Variants in SPNS1 observed in about 807,000 individuals in gnomAD.
SPNS1 encodes the protein SPNS lysolipid transporter 1, lysophospholipid, also known as protein spinster homolog 1.
SPNS1 carries 22 observed loss-of-function variants against 50.3 expected under a neutral mutation model. That is an observed-to-expected ratio of 0.44 (90% CI 0.31 to 0.62). The LOEUF is 0.62. SPNS1 is among the 20% of genes least tolerant of loss of function. The pLI is 0.07. For missense variants in SPNS1, 576 were observed against 728.6 expected, an observed-to-expected ratio of 0.79 and a Z score of 2.41; for synonymous variants, 295 against 317.4, an observed-to-expected ratio of 0.93 and a Z score of 0.75.
At position 28,975,110 on chromosome 16, in the gene SPNS1, T is replaced by G; in HGVS notation, c.-42T>G. 1 of 1,460,674 alleles carries G rather than the reference T, an allele frequency of 6.8e-7. No individual in the cohort carries two copies. Among genetic ancestry groups the G allele is most frequent in the Non-Finnish European group, 9.0e-7 (1 of 1,110,482 alleles). The allele number at this position is 1,460,674 out of a possible 1,614,324, so 90.5% of individuals were successfully genotyped here. On this transcript the variant is annotated 5_prime_UTR_variant, in exon 1 of 12. Transcript: ENST00000311008. ...CCTCCTCCCCTCGCAGGTGGGATCGTCGGTGGGACCGGAGCGCGGGCGGGC... is the reference window on the plus strand; with the variant it reads ...CCTCCTCCCCTCGCAGGTGGGATCGGCGGTGGGACCGGAGCGCGGGCGGGC...
chr16:28,982,427 G>T lies in SPNS1; in HGVS notation c.1037G>T (p.Arg346Leu). 1.2e-6 allele frequency: 2 copies of T among 1,613,342 alleles called. No individual in the cohort carries two copies. The highest frequency in any genetic ancestry group is 1.1e-5 in the South Asian group (1 of 91,032). ...GVGLGVEISR[R>L]LRHSNPRADP... ...GGCCTGGGTGTGGAGATCAGCCGCC[G>T]GCTCCGCCACTCCAACCCCCGGGCT... Residue 346 changes from arginine to leucine, a missense_variant, in exon 8 of 12, where the codon CGG becomes CTG. Physicochemically the swap from Arg to Leu is moderately radical, Grantham distance 102. Transcript: ENST00000311008.
Position 28,983,769 on chromosome 16 carries a change from G to T in SPNS1, c.1321-17G>T. 6.4e-7 allele frequency: 1 copy of T among 1,562,234 alleles called. No homozygotes were observed. Among genetic ancestry groups the T allele is most frequent in the Non-Finnish European group, 8.7e-7 (1 of 1,155,370 alleles). On this transcript the variant is annotated splice_polypyrimidine_tract_variant and intron_variant, in intron 10 of 11. Coordinates refer to ENST00000311008, the MANE Select transcript of SPNS1 (RefSeq NM_032038.3). This position sits in a 1 kb window ranked among gnomAD's most constrained non-coding sequence, Gnocchi z 5.4. Reference sequence around the variant, plus strand: ...TGAGGCTGACTCCCCTGGCTTTCCTGTCTCCTCTCCCTGCAGATCTCTGAC... The same window carrying T: ...TGAGGCTGACTCCCCTGGCTTTCCTTTCTCCTCTCCCTGCAGATCTCTGAC...
rs1485359562 is a variant in SPNS1 at position 28,983,543 on chromosome 16, C to T, written c.1321-243C>T. Among the ~76,000 whole-genome samples, 2 of 152,148 alleles carry T rather than the reference C, an allele frequency of 1.3e-5. No individual in the cohort carries two copies. The highest frequency in any genetic ancestry group is 2.9e-5 in the Non-Finnish European group (2 of 68,034). On this transcript the variant is annotated intron_variant, in intron 10 of 11. Transcript: ENST00000311008. The surrounding 1 kb of genome is among the most constrained non-coding windows in gnomAD (Gnocchi z 5.4). ...CTGAGACAAGACCTCACTCTGTTGC[C>T]CAGGCTGCAGTGTAGTGGCACGATC...
chr16:28,979,726 ACTTTTT>A, intron 5 of SPNS1: 1 of 461,544 alleles, frequency 2.2e-6, no homozygotes, highest in Middle Eastern at 6.3e-4. Flanking sequence ...AATTAAAAAA[ACTTTTT>A]CTTTTTGTAG....
intron 8 of SPNS1, 57 bp downstream of exon 8, chr16:28,982,602 C>T: frequency 1.3e-6 from 2 of 1,529,010 alleles, no homozygotes; most frequent in Non-Finnish European, 1.8e-6. Flanking sequence ...GAGGAGCAGT[C>T]AGCGTAATGG....
intron 8 of SPNS1, 87 bp from the exon 9 acceptor site, chr16:28,982,770 A>G: frequency 2.0e-6 from 3 of 1,475,678 alleles, no homozygotes; most frequent in Non-Finnish European, 1.9e-6. Flanking sequence ...TGAGGATTAA[A>G]TTAGTTAATA....
intron 5 of SPNS1, among the ~76,000 whole-genome samples, chr16:28,980,945 C>A (rs1965528406): frequency 6.6e-6 from 1 of 152,198 alleles, no homozygotes; most frequent in Non-Finnish European, 1.5e-5. Flanking sequence ...GAGCTTCAGT[C>A]AGGTAAAGCT....
intron 4 of SPNS1, 37 bp from the exon 5 acceptor site, chr16:28,979,368 G>A (rs547017225): frequency 3.9e-4 from 630 of 1,613,704 alleles, no homozygotes; most frequent in Non-Finnish European, 5.2e-4. Flanking sequence ...TGGACTGACT[G>A]GCTGTCCCCC....
intron 7 of SPNS1, 55 bp downstream of exon 7, chr16:28,982,111 A>G: frequency 1.9e-6 from 3 of 1,585,940 alleles, no homozygotes; most frequent in Middle Eastern, 2.0e-4. Context: ...TGGAGTGAAG[A>G]GCATCTGTGG....
rs1965542693 is a variant in SPNS1, at chr16:28,981,304, A to G, written c.664-166A>G. ...GGCTTGCAAAAATAGGGTGGCCCCT[A>G]GTGGCAGCCCCCTTCCCCCAGATTG... On this transcript the variant is annotated intron_variant, in intron 5 of 11. Transcript: ENST00000311008. This position sits in a 1 kb window ranked among gnomAD's most constrained non-coding sequence, Gnocchi z 4.2. 6.6e-6 allele frequency among the ~76,000 whole-genome samples: 1 copy of G among 152,194 alleles called. No individual in the cohort carries two copies. Among genetic ancestry groups the G allele is most frequent in the African/African-American group, 2.4e-5 (1 of 41,450 alleles).
rs1596753903 is a variant in SPNS1, at chr16:28,981,736, C to T, written c.809+121C>T. ...GGCCAGTAATTCGGTCGATACTGTC[C>T]CCTTGTGGCAGCTGCTTGAATTACA... On this transcript the variant is annotated intron_variant, in intron 6 of 11. Transcript: ENST00000311008. The surrounding 1 kb of genome is among the most constrained non-coding windows in gnomAD (Gnocchi z 4.2). The T allele has an allele frequency of 6.7e-7, 1 of 1,496,884 alleles. No homozygotes were observed. The highest frequency in any genetic ancestry group is 9.1e-7 in the Non-Finnish European group (1 of 1,102,186). The allele number at this position is 1,496,884 out of a possible 1,614,324, so 92.7% of individuals were successfully genotyped here. A position where few individuals can be genotyped will look rare whatever the true frequency, so the allele number is the denominator to read the frequency against.
chr16:28,979,567 A>C, intron 5 of SPNS1, 96 bp downstream of exon 5: 1 of 1,336,460 alleles, frequency 7.5e-7, no homozygotes, highest in Non-Finnish European at 1.1e-6. Flanking sequence ...TTTTTCTTTT[A>C]AGAGACAGGG....
chr16:28,974,781 T>G lies in SPNS1; in HGVS notation c.-371T>G. On this transcript the variant is annotated 5_prime_UTR_variant, in exon 1 of 12. It removes an upstream start codon present in the reference 5' UTR. Coordinates refer to ENST00000311008, the MANE Select transcript of SPNS1 (RefSeq NM_032038.3). ...CTTCCACCCTGGCTCCCGCGTCACA[T>G]GACCGGCTTTAAGCAACATGGCGGC... is the stretch of plus-strand genomic sequence containing the variant. 1 of 1,535,218 alleles carries G rather than the reference T, an allele frequency of 6.5e-7. No homozygotes were observed. The highest frequency in any genetic ancestry group is 8.7e-7 in the Non-Finnish European group (1 of 1,146,330).
chr16:28,980,353 ACTC>A (rs1965500384), intron 5 of SPNS1: 1 of 151,008 alleles, frequency 6.6e-6, no homozygotes, highest in Non-Finnish European at 1.5e-5. Flanking sequence ...TTGGTTTTGA[ACTC>A]CTGGCCTCAA....
In SPNS1 at chr16:28,981,549, G is replaced by C. The variant is rs755736016; in HGVS notation, c.743G>C (p.Arg248Pro). The C allele has an allele frequency of 6.2e-7, 1 of 1,614,024 alleles. No individual in the cohort carries two copies. The highest frequency in any genetic ancestry group is 1.7e-5 in the Admixed American group (1 of 60,016). Residue 248 changes from arginine (R) to proline (P), a missense_variant, in exon 6 of 12, where the codon CGC becomes CCC. Physicochemically the swap from Arg to Pro is moderately radical, Grantham distance 103 (BLOSUM62 -2). This residue lies in a region of SPNS1 where 428 missense variants were observed against 520.1 expected (regional missense o/e 0.82). Transcript: ENST00000311008. This position sits in a 1 kb window ranked among gnomAD's most constrained non-coding sequence, Gnocchi z 4.2. ...GAGCCGCCAAGGGGAGCCGTGGAGC[G>C]CCACTCAGATTTGCCACCCCTGAAC... is the stretch of plus-strand genomic sequence containing the variant. The part of the protein sequence containing the change: ...VREPPRGAVE[R>P]HSDLPPLNPT...
At chr16:28,982,811 G>A (rs778378895) in intron 8 of SPNS1, 46 bp from the exon 9 acceptor site, 1 of 1,601,566 alleles carries the variant, frequency 6.2e-7, no homozygotes, top group Non-Finnish European at 8.6e-7. Context: ...AACTTTCCAT[G>A]TGTTAGCCCT....
chr16:28,975,715 C>T (rs997180386), intron 2 of SPNS1, among the ~76,000 whole-genome samples, 158 bp downstream of exon 2: 5 of 152,070 alleles, frequency 3.3e-5, no homozygotes, highest in Non-Finnish European at 7.4e-5. Context: ...AGCGGGACAC[C>T]ACATTTAAAG....
rs768758578 is a variant in SPNS1, at chr16:28,983,771, C to T, written c.1321-15C>T. 1.0e-5 allele frequency: 16 copies of T among 1,565,882 alleles called. No homozygotes were observed. The highest frequency in any genetic ancestry group is 1.3e-5 in the Non-Finnish European group (15 of 1,157,294). Reference sequence around the variant, plus strand: ...AGGCTGACTCCCCTGGCTTTCCTGTCTCCTCTCCCTGCAGATCTCTGACCG... The same window carrying T: ...AGGCTGACTCCCCTGGCTTTCCTGTTTCCTCTCCCTGCAGATCTCTGACCG... On this transcript the variant is annotated splice_polypyrimidine_tract_variant and intron_variant, in intron 10 of 11. Coordinates refer to ENST00000311008, the MANE Select transcript of SPNS1 (RefSeq NM_032038.3). The surrounding 1 kb of genome is among the most constrained non-coding windows in gnomAD (Gnocchi z 5.4).
At chr16:28,975,923 G>T (rs1181102168) in intron 2 of SPNS1, among the ~76,000 whole-genome samples, 1 of 152,138 alleles carries the variant, frequency 6.6e-6, no homozygotes, top group East Asian at 1.9e-4. Context: ...TTAACTAAAA[G>T]ATTGTCTGTG....
Sources: allele counts gnomAD v4.1 joint callset (sites outside exome capture counted in the v4.1 genomes callset), GRCh38; gene constraint gnomAD v4.1.1; regional missense constraint gnomAD v4.1.1; non-coding constraint Gnocchi (gnomAD v3.1); transcripts MANE v1.5; gene names NCBI Gene and HGNC (gene_info 2026-07-23, HGNC 2026-07-21).